RBFOX1: variants seen among roughly 807,000 people sequenced by gnomAD.
RBFOX1 encodes the protein RNA binding fox-1 homolog 1, also known as RNA binding protein fox-1 homolog 1.
RBFOX1 carries 8 observed loss-of-function variants against 57.7 expected under a neutral mutation model. The observed-to-expected ratio is 0.14, with a 90% CI of 0.08 to 0.25. The LOEUF (loss-of-function observed/expected upper bound fraction) is 0.25, where lower values mean the gene tolerates loss of function less well. RBFOX1 is among the 10% of genes least tolerant of loss of function. The pLI is 1.00. For synonymous variants in RBFOX1, 326 were observed against 222.4 expected (o/e 1.47, Z -4.15); for missense variants, 611 against 548.5 (o/e 1.11, Z -1.14).
At chr16:6,291,685 G>A (rs924154811) in intron 1 of RBFOX1, among the ~76,000 whole-genome samples, 5 of 152,180 alleles carry the variant, frequency 3.3e-5, no homozygotes, top group African/African-American at 1.2e-4. Flanking sequence ...ATGCAGATTA[G>A]CTGAGACAGA....
At chr16:6,561,524 G>A (rs187705110) in intron 2 of RBFOX1, among the ~76,000 whole-genome samples, 2 of 152,136 alleles carry the variant, frequency 1.3e-5, no homozygotes, top group African/African-American at 4.8e-5. Flanking sequence ...ATGTTGTTTT[G>A]AATATGAACA....
chr16:7,341,986 G>T (rs2096906976), intron 4 of RBFOX1, among the ~76,000 whole-genome samples: 1 of 151,990 alleles, frequency 6.6e-6, no homozygotes, highest in South Asian at 2.1e-4. Flanking sequence ...ATCTGTATTG[G>T]CTCCTGGAGG....
chr16:6,252,112 T>C (rs1006657376), intron 1 of RBFOX1, among the ~76,000 whole-genome samples: 1 of 152,092 alleles, frequency 6.6e-6, no homozygotes, highest in African/African-American at 2.4e-5. Flanking sequence ...ACTTCCCCTA[T>C]GACAGTCCAG....
At chr16:7,672,696 G>A (rs1225287390) in intron 13 of RBFOX1, among the ~76,000 whole-genome samples, 4 of 151,266 alleles carry the variant, frequency 2.6e-5, no homozygotes, top group Non-Finnish European at 4.4e-5. Context: ...TATCAAAACC[G>A]CATCTCTACT....
At position 6,019,658 on chromosome 16, in the gene RBFOX1, G is replaced by T. The variant is rs2095029244; in HGVS notation, c.-461G>T. 2 of 1,299,208 alleles carry T rather than the reference G, an allele frequency of 1.5e-6. No homozygotes were observed. Among genetic ancestry groups the T allele is most frequent in the Admixed American group, 3.7e-5 (1 of 27,266 alleles). The allele number at this position is 1,299,208 out of a possible 1,614,324, so 80.5% of individuals were successfully genotyped here. On this transcript the variant is annotated 5_prime_UTR_variant, in exon 1 of 16. Coordinates refer to ENST00000550418, the MANE Select transcript of RBFOX1 (RefSeq NM_018723.4). The surrounding 1 kb of genome is among the most constrained non-coding windows in gnomAD (Gnocchi z 4.2). ...GAGGGGACAGCCAGCCGTGGGCCCC[G>T]CCCCGGCGTCCGGAGCAGGAGAACT... is the stretch of plus-strand genomic sequence containing the variant.
At chr16:7,557,882 A>T (rs1007229880) in intron 5 of RBFOX1, among the ~76,000 whole-genome samples, 15 of 151,978 alleles carry the variant, frequency 9.9e-5, no homozygotes, top group African/African-American at 3.1e-4. Context: ...CAAGATACCA[A>T]TGCCTCGTCA....
At chr16:6,141,540 A>G (rs1410095913) in intron 1 of RBFOX1, among the ~76,000 whole-genome samples, 3 of 152,028 alleles carry the variant, frequency 2.0e-5, no homozygotes, top group Non-Finnish European at 4.4e-5. Flanking sequence ...TCCATTCAAC[A>G]CTTCCTACAT....
chr16:7,708,463 C>G lies in RBFOX1; in HGVS notation c.996-593C>G, dbSNP rs150445303. Among the ~76,000 whole-genome samples the G allele has an allele frequency of 3.1e-3, 468 of 151,884 alleles. 3 individuals are homozygous for G. Among genetic ancestry groups the G allele is most frequent in the Non-Finnish European group, 4.0e-3 (273 of 67,946 alleles). ...GCCATGGATTAATGTGACAGAAGTT[C>G]TGGAATAATAGGATCAAAACCAAAT... On this transcript the variant is annotated intron_variant, in intron 14 of 15. Coordinates refer to ENST00000550418, the MANE Select transcript of RBFOX1 (RefSeq NM_018723.4).
At chr16:6,431,822 G>A (rs1322963757) in intron 2 of RBFOX1, among the ~76,000 whole-genome samples, 1 of 151,988 alleles carries the variant, frequency 6.6e-6, no homozygotes, top group East Asian at 1.9e-4. Context: ...GGCTAACACT[G>A]GTCATTTACA....
At chr16:7,619,708 C>G (rs1045386713) in intron 10 of RBFOX1, among the ~76,000 whole-genome samples, 2 of 152,112 alleles carry the variant, frequency 1.3e-5, no homozygotes, top group Non-Finnish European at 2.9e-5. Flanking sequence ...AGAAGGCCTT[C>G]TAGGTTCTTT....
intron 3 of RBFOX1, among the ~76,000 whole-genome samples, chr16:6,703,707 A>G (rs1307006409): frequency 1.3e-5 from 2 of 151,756 alleles, no homozygotes; most frequent in African/African-American, 4.8e-5. Flanking sequence ...ACCCAGTTTC[A>G]AAAGAAAAAA....
At chr16:5,989,843 A>AACACACACACAC (rs199624083) in intron 4 of RBFOX1, among the ~76,000 whole-genome samples, 26 of 20,716 alleles carry the variant, frequency 1.3e-3, no homozygotes, top group African/African-American at 5.3e-3. Flanking sequence ...AACACCCCCT[A>AACACACACACAC]ACACACACAC....
At chr16:7,554,583 A>C (rs2087693512) in intron 5 of RBFOX1, among the ~76,000 whole-genome samples, 1 of 152,132 alleles carries the variant, frequency 6.6e-6, no homozygotes, top group South Asian at 2.1e-4. Context: ...TCAGCTGCTT[A>C]CCTTTAGAAT....
chr16:6,915,433 C>A (rs964556659), intron 3 of RBFOX1, among the ~76,000 whole-genome samples: 1 of 152,152 alleles, frequency 6.6e-6, no homozygotes, highest in African/African-American at 2.4e-5. Context: ...AGCCCGTTTT[C>A]TTATTTCCTT....
chr16:7,303,108 G>A (rs1339893772), intron 4 of RBFOX1, among the ~76,000 whole-genome samples: 7 of 152,212 alleles, frequency 4.6e-5, no homozygotes, highest in Non-Finnish European at 1.0e-4. Flanking sequence ...GAGCTGGCAC[G>A]TTAGTCCAAC....
At chr16:6,077,905 A>G in intron 1 of RBFOX1, among the ~76,000 whole-genome samples, 1 of 152,062 alleles carries the variant, frequency 6.6e-6, no homozygotes, top group Non-Finnish European at 1.5e-5. Context: ...CAAGGAGTAG[A>G]CATTGGAAGG....
chr16:7,299,804 C>G (rs913324397), intron 4 of RBFOX1, among the ~76,000 whole-genome samples: 7 of 152,202 alleles, frequency 4.6e-5, no homozygotes, highest in Non-Finnish European at 2.9e-5. Flanking sequence ...AAGAGAACTA[C>G]AGAATTCATG....
intron 3 of RBFOX1, among the ~76,000 whole-genome samples, chr16:6,856,311 C>A (rs906961103): frequency 9.2e-5 from 14 of 152,116 alleles, no homozygotes; most frequent in South Asian, 2.1e-4. Context: ...GAGTTCTATT[C>A]CCAATTCATA....
At chr16:5,467,595 C>T (rs1027073661) in intron 2 of RBFOX1, among the ~76,000 whole-genome samples, 2 of 152,150 alleles carry the variant, frequency 1.3e-5, no homozygotes, top group African/African-American at 4.8e-5. Flanking sequence ...GAGTGAAGCC[C>T]ACATCCTTGC....
Sources: allele counts gnomAD v4.1 joint callset (sites outside exome capture counted in the v4.1 genomes callset), GRCh38; gene constraint gnomAD v4.1.1; non-coding constraint Gnocchi (gnomAD v3.1); transcripts MANE v1.5; gene names NCBI Gene and HGNC (gene_info 2026-07-23, HGNC 2026-07-21).